The following LRRTM4 variants were observed in gnomAD, a reference collection of about 807,000 sequenced individuals.
The protein encoded by LRRTM4 is leucine-rich repeat transmembrane neuronal protein 4.
LRRTM4 carries 25 observed loss-of-function variants against 47.6 expected under a neutral mutation model. The observed-to-expected ratio is 0.53, with a 90% CI of 0.38 to 0.73. The LOEUF (loss-of-function observed/expected upper bound fraction) is 0.73, where lower values mean the gene tolerates loss of function less well. Among genes scored for constraint, LRRTM4 ranks in the 30% least tolerant of loss-of-function variants. LRRTM4 has a pLI of 0.00. For missense variants in LRRTM4, 638 were observed against 713.4 expected, an observed-to-expected ratio of 0.89 and a Z score of 1.20; for synonymous variants, 311 against 269.5, an observed-to-expected ratio of 1.15 and a Z score of -1.51.
chr2:76,920,514 T>C (rs551097131), intron 3 of LRRTM4, among the ~76,000 whole-genome samples: 1 of 152,282 alleles, frequency 6.6e-6, no homozygotes, highest in South Asian at 2.1e-4. Context: ...TTTTGGAACC[T>C]GGAGAAGACT....
intron 3 of LRRTM4, among the ~76,000 whole-genome samples, chr2:77,204,072 A>G (rs1426639905): frequency 2.6e-5 from 4 of 152,166 alleles, no homozygotes; most frequent in Admixed American, 6.5e-5. Flanking sequence ...TAAACTATGC[A>G]GCATAGGTCA....
chr2:76,880,298 C>T (rs1468531282), intron 3 of LRRTM4, among the ~76,000 whole-genome samples: 1 of 152,122 alleles, frequency 6.6e-6, no homozygotes, highest in African/African-American at 2.4e-5. Flanking sequence ...ATAGCCACCT[C>T]GAACTTCAGC....
intron 3 of LRRTM4, among the ~76,000 whole-genome samples, chr2:77,459,522 T>C (rs1676695007): frequency 6.6e-6 from 1 of 152,058 alleles, no homozygotes; most frequent in South Asian, 2.1e-4. Flanking sequence ...ATTTTGATTA[T>C]ATCTCTGCAC....
chr2:76,919,278 A>G (rs760672619), intron 3 of LRRTM4, among the ~76,000 whole-genome samples: 17 of 152,288 alleles, frequency 1.1e-4, no homozygotes, highest in South Asian at 2.1e-4. Flanking sequence ...GCAAAAACAG[A>G]TATTTGCCAT....
chr2:77,381,008 T>C (rs1673030669), intron 3 of LRRTM4, among the ~76,000 whole-genome samples: 1 of 152,104 alleles, frequency 6.6e-6, no homozygotes, highest in Non-Finnish European at 1.5e-5. Flanking sequence ...GGCAGTTTAG[T>C]ACCTGGTTGT....
At chr2:77,268,310 C>A (rs1005021623) in intron 3 of LRRTM4, among the ~76,000 whole-genome samples, 6 of 152,152 alleles carry the variant, frequency 3.9e-5, no homozygotes, top group Admixed American at 1.3e-4. Context: ...ATCTTCTTCA[C>A]TGAATAGCAA....
intron 3 of LRRTM4, among the ~76,000 whole-genome samples, chr2:77,187,423 A>G (rs886792784): frequency 1.4e-5 from 2 of 143,998 alleles, no homozygotes; most frequent in Admixed American, 7.0e-5. Flanking sequence ...TCATATTACA[A>G]TGAGAACACA....
intron 3 of LRRTM4, among the ~76,000 whole-genome samples, chr2:77,498,471 C>T (rs551687954): frequency 1.5e-4 from 23 of 151,684 alleles, no homozygotes; most frequent in Non-Finnish European, 3.1e-4. Context: ...GGGATCCCAT[C>T]GTTAAACTGA....
chr2:77,067,498 A>T (rs1337526678), intron 3 of LRRTM4, among the ~76,000 whole-genome samples: 1 of 152,090 alleles, frequency 6.6e-6, no homozygotes, highest in East Asian at 1.9e-4. Flanking sequence ...AATGAGTTCA[A>T]ATGTAGATAC....
chr2:76,792,472 A>G (rs1675028981), intron 3 of LRRTM4, among the ~76,000 whole-genome samples: 1 of 152,208 alleles, frequency 6.6e-6, no homozygotes, highest in Non-Finnish European at 1.5e-5. Flanking sequence ...ATAGAAGGAT[A>G]TACATCAATT....
intron 3 of LRRTM4, among the ~76,000 whole-genome samples, chr2:76,986,805 T>G (rs1676815073): frequency 6.6e-6 from 1 of 151,966 alleles, no homozygotes; most frequent in South Asian, 2.1e-4. Context: ...TGCAGCTATA[T>G]AGGCCAATAC....
chr2:76,854,790 A>G (rs1672099418), intron 3 of LRRTM4, among the ~76,000 whole-genome samples: 1 of 150,050 alleles, frequency 6.7e-6, no homozygotes, highest in Non-Finnish European at 1.5e-5. Flanking sequence ...ACATCATTGA[A>G]TGAAGTATAA....
chr2:76,901,468 G>A (rs187859652), intron 3 of LRRTM4, among the ~76,000 whole-genome samples: 1 of 151,542 alleles, frequency 6.6e-6, no homozygotes, highest in Non-Finnish European at 1.5e-5. Context: ...TGGGACCACT[G>A]TGACTTAGAC....
chr2:76,999,046 G>T (rs1170242289), intron 3 of LRRTM4, among the ~76,000 whole-genome samples: 1 of 152,018 alleles, frequency 6.6e-6, no homozygotes, highest in East Asian at 1.9e-4. Context: ...TGAAGTTTTT[G>T]ACTTCATAGA....
At chr2:76,821,076 A>G (rs899601905) in intron 3 of LRRTM4, among the ~76,000 whole-genome samples, 12 of 151,760 alleles carry the variant, frequency 7.9e-5, no homozygotes, top group Non-Finnish European at 5.9e-5. Flanking sequence ...AAACATAAGT[A>G]GAAGACACTG....
At chr2:77,409,379 C>G (rs1674334559) in intron 3 of LRRTM4, among the ~76,000 whole-genome samples, 1 of 152,150 alleles carries the variant, frequency 6.6e-6, no homozygotes, top group Non-Finnish European at 1.5e-5. Context: ...TATGTGTCCT[C>G]ACATGGCAGA....
intron 3 of LRRTM4, among the ~76,000 whole-genome samples, chr2:76,821,300 C>A (rs945934328): frequency 1.3e-5 from 2 of 151,678 alleles, no homozygotes; most frequent in Non-Finnish European, 3.0e-5. Flanking sequence ...AGAAAAAAAT[C>A]ATAAAAAGTG....
At chr2:77,411,558 T>C (rs887788620) in intron 3 of LRRTM4, among the ~76,000 whole-genome samples, 4 of 146,842 alleles carry the variant, frequency 2.7e-5, no homozygotes, top group African/African-American at 5.0e-5. Context: ...GTTCACGCCA[T>C]TCTCCTGCCT....
intron 3 of LRRTM4, among the ~76,000 whole-genome samples, chr2:77,363,527 TC>T (rs1395972324): frequency 6.6e-6 from 1 of 152,182 alleles, no homozygotes; most frequent in East Asian, 1.9e-4. Flanking sequence ...TTCCCTTATG[TC>T]CTTTAAGGAA....
Sources: gnomAD v4.1 joint callset for allele counts (sites outside exome capture counted in the v4.1 genomes callset) on GRCh38, gnomAD v4.1.1 for gene constraint, MANE v1.5 for transcripts, NCBI Gene and HGNC (gene_info 2026-07-23, HGNC 2026-07-21) for gene names.